RIMS2: variants seen among roughly 807,000 people sequenced by gnomAD.
The protein encoded by RIMS2 is regulating synaptic membrane exocytosis protein 2.
A neutral mutation model predicts 174.4 loss-of-function variants in RIMS2; 59 were observed. That is an observed-to-expected ratio of 0.34 (90% CI 0.27 to 0.42). The LOEUF (loss-of-function observed/expected upper bound fraction) is 0.42, where lower values mean the gene tolerates loss of function less well. Ranked by LOEUF, RIMS2 falls within the 10% of genes least tolerant of loss-of-function variation. The pLI, the probability that RIMS2 is intolerant of heterozygous loss-of-function variation, is 1.00. For missense variants in RIMS2, 1,620 were observed against 1,666.3 expected, an observed-to-expected ratio of 0.97 and a Z score of 0.48; for synonymous variants, 606 against 572.5, an observed-to-expected ratio of 1.06 and a Z score of -0.84.
intron 3 of RIMS2, among the ~76,000 whole-genome samples, chr8:103,855,438 A>G (rs2099022658): frequency 6.6e-6 from 1 of 152,002 alleles, no homozygotes; most frequent in Non-Finnish European, 1.5e-5. Context: ...TTTAAGTGCA[A>G]AGTTAGATTG....
chr8:103,645,330 G>T (rs2096305506), intron 1 of RIMS2, among the ~76,000 whole-genome samples: 1 of 151,900 alleles, frequency 6.6e-6, no homozygotes, highest in South Asian at 2.1e-4. Context: ...GAGAATACAG[G>T]ATATAATTTT....
chr8:103,974,583 A>G (rs1300655702), intron 15 of RIMS2, among the ~76,000 whole-genome samples: 1 of 152,116 alleles, frequency 6.6e-6, no homozygotes, highest in Non-Finnish European at 1.5e-5. Flanking sequence ...CCATCTCTCC[A>G]CATACCAGTT....
At chr8:103,712,260 C>T (rs2097315512) in intron 2 of RIMS2, among the ~76,000 whole-genome samples, 1 of 151,472 alleles carries the variant, frequency 6.6e-6, no homozygotes, top group Non-Finnish European at 1.5e-5. Context: ...AGTCCTCTTG[C>T]CTTGGCCTCC....
At chr8:103,863,284 T>A (rs2099068054) in intron 3 of RIMS2, among the ~76,000 whole-genome samples, 1 of 152,188 alleles carries the variant, frequency 6.6e-6, no homozygotes, top group African/African-American at 2.4e-5. Flanking sequence ...GTTGCTTATA[T>A]TGAACCATTC....
chr8:103,580,632 G>T (rs565237745), intron 1 of RIMS2, among the ~76,000 whole-genome samples: 4 of 152,214 alleles, frequency 2.6e-5, no homozygotes, highest in African/African-American at 9.6e-5. Flanking sequence ...AATCTAAGAA[G>T]ATTTAACCAT....
At chr8:103,950,544 CAA>C (rs1301404742) in intron 14 of RIMS2, among the ~76,000 whole-genome samples, 1 of 152,092 alleles carries the variant, frequency 6.6e-6, no homozygotes, top group African/African-American at 2.4e-5. Flanking sequence ...ATCATAATCT[CAA>C]GAGATCATCT....
intron 19 of RIMS2, among the ~76,000 whole-genome samples, chr8:104,233,957 C>T (rs1253905355): frequency 1.3e-5 from 2 of 152,144 alleles, no homozygotes; most frequent in Non-Finnish European, 2.9e-5. Flanking sequence ...GAAGGCCACC[C>T]CTTAGTTCAA....
intron 2 of RIMS2, among the ~76,000 whole-genome samples, chr8:103,722,257 C>G (rs2097458703): frequency 6.6e-6 from 1 of 151,974 alleles, no homozygotes; most frequent in African/African-American, 2.4e-5. Context: ...GCCTGTAGTC[C>G]CAGCCACACA....
intron 1 of RIMS2, among the ~76,000 whole-genome samples, chr8:103,508,594 A>C (rs1586442720): frequency 1.3e-5 from 2 of 152,108 alleles, no homozygotes; most frequent in South Asian, 4.1e-4. Flanking sequence ...GAGCCTAAAA[A>C]GCCTTCTATG....
chr8:104,099,310 G>A (rs1431765371), intron 19 of RIMS2, among the ~76,000 whole-genome samples: 2 of 152,138 alleles, frequency 1.3e-5, no homozygotes, highest in African/African-American at 4.8e-5. Context: ...TCATCACAGA[G>A]GGTATGATGG....
At chr8:103,846,949 A>C (rs1564891414) in intron 3 of RIMS2, among the ~76,000 whole-genome samples, 1 of 152,136 alleles carries the variant, frequency 6.6e-6, no homozygotes, top group East Asian at 1.9e-4. Context: ...GAGTCACTCC[A>C]GTGGCTAACC....
intron 1 of RIMS2, among the ~76,000 whole-genome samples, chr8:103,671,006 AG>A (rs1241818872): frequency 3.9e-5 from 6 of 152,148 alleles, no homozygotes; most frequent in South Asian, 4.1e-4. Flanking sequence ...TAATTTATGA[AG>A]GAAAGAGGTT....
intron 1 of RIMS2, among the ~76,000 whole-genome samples, chr8:103,582,468 A>C (rs2093671845): frequency 6.6e-6 from 1 of 152,080 alleles, no homozygotes; most frequent in Non-Finnish European, 1.5e-5. Flanking sequence ...AGGGGGATAG[A>C]GCACCAAGAG....
At chr8:104,022,637 C>A (rs186375033) in intron 19 of RIMS2, among the ~76,000 whole-genome samples, 2 of 152,062 alleles carry the variant, frequency 1.3e-5, no homozygotes, top group Non-Finnish European at 2.9e-5. Context: ...CGCCTCGTCT[C>A]GGCCTCCCAA....
At chr8:103,797,487 T>A (rs2098557690) in intron 3 of RIMS2, among the ~76,000 whole-genome samples, 1 of 152,204 alleles carries the variant, frequency 6.6e-6, no homozygotes, top group African/African-American at 2.4e-5. Flanking sequence ...ATCTTCTTCA[T>A]ATCTTTTACT....
intron 1 of RIMS2, among the ~76,000 whole-genome samples, chr8:103,641,411 T>C (rs2096227183): frequency 6.6e-6 from 1 of 152,188 alleles, no homozygotes; most frequent in African/African-American, 2.4e-5. Context: ...TTTTGAAATA[T>C]ACAATAGATT....
At chr8:103,850,397 A>G (rs1336585900) in intron 3 of RIMS2, among the ~76,000 whole-genome samples, 1 of 151,958 alleles carries the variant, frequency 6.6e-6, no homozygotes, top group African/African-American at 2.4e-5. Context: ...TTACTCCATC[A>G]TGATCAGAGT....
At chr8:104,157,223 A>C (rs1335917070) in intron 19 of RIMS2, among the ~76,000 whole-genome samples, 3 of 152,188 alleles carry the variant, frequency 2.0e-5, no homozygotes, top group Non-Finnish European at 4.4e-5. Flanking sequence ...TGGTGTTAAC[A>C]TTATCATAAA....
At chr8:103,620,504 C>T (rs1411772366) in intron 1 of RIMS2, among the ~76,000 whole-genome samples, 5 of 151,882 alleles carry the variant, frequency 3.3e-5, no homozygotes, top group African/African-American at 1.2e-4. Context: ...GGGGTGAAAA[C>T]CTGTTTTTTA....
Sources: allele counts gnomAD v4.1 joint callset (sites outside exome capture counted in the v4.1 genomes callset), GRCh38; gene constraint gnomAD v4.1.1; transcripts MANE v1.5; gene names NCBI Gene and HGNC (gene_info 2026-07-23, HGNC 2026-07-21).